HYAL1: variants seen among roughly 807,000 people sequenced by gnomAD.
The protein encoded by HYAL1 is hyaluronidase-1.
HYAL1 carries 21 observed loss-of-function variants against 28.8 expected under a neutral mutation model. The ratio of observed to expected loss-of-function variants is 0.73; its 90% CI spans 0.52 to 1.05. The LOEUF is 1.05. Among genes scored for constraint, HYAL1 ranks in the 50% least tolerant of loss-of-function variants. HYAL1 has a pLI of 0.00. For missense variants in HYAL1, 491 were observed against 579.2 expected (o/e 0.85, Z 1.56); for synonymous variants, 200 against 230.1 (o/e 0.87, Z 1.18).
intron 1 of HYAL1, chr3:50,303,229 C>T (rs1273276236): frequency 7.9e-6 from 3 of 377,522 alleles, no homozygotes; most frequent in Non-Finnish European, 1.4e-5. Context: ...AGCCTAAGCT[C>T]GCCCACCCCT....
Position 50,303,542 on chromosome 3 carries a change from AC to A in HYAL1, c.-102del, listed in dbSNP as rs1361108895. On this transcript the variant is annotated 5_prime_UTR_variant, in exon 1 of 4. Coordinates refer to ENST00000395144, the MANE Select transcript of HYAL1 (RefSeq NM_033159.4). Reference sequence around the variant, plus strand: ...CCTAAGCAGGGCCTGGCCAGATTCCACCCCAGCTGCACCAGAGACTCCTGGA... The same window carrying A: ...CCTAAGCAGGGCCTGGCCAGATTCCACCCAGCTGCACCAGAGACTCCTGGA... The A allele has an allele frequency of 6.6e-6, 1 of 152,044 alleles. No individual in the cohort carries two copies. Among genetic ancestry groups the A allele is most frequent in the Non-Finnish European group, 1.5e-5 (1 of 68,080 alleles). 9.4% of individuals were successfully genotyped at this position (152,044 alleles called of 1,614,324 possible).
chr3:50,305,052 G>C (rs1329811079), upstream of HYAL1, among the ~76,000 whole-genome samples: 1 of 152,198 alleles, frequency 6.6e-6, no homozygotes, highest in Non-Finnish European at 1.5e-5. Context: ...TTCTATTCAA[G>C]TCATCCTTTT....
chr3:50,310,443 T>G (rs1290018505), intron 1 of HYAL1, among the ~76,000 whole-genome samples: 4 of 150,384 alleles, frequency 2.7e-5, no homozygotes, highest in African/African-American at 1.0e-4. Context: ...TTTTTTTGTA[T>G]TTTTAATAGA....
Position 50,300,451 on chromosome 3 carries a change from T to C in HYAL1, c.*32A>G. The C allele has an allele frequency of 6.2e-7, 1 of 1,610,978 alleles. No individual in the cohort carries two copies. Among genetic ancestry groups the C allele is most frequent in the South Asian group, 1.1e-5 (1 of 91,018 alleles). On this transcript the variant is annotated 3_prime_UTR_variant, in exon 4 of 4. Transcript: ENST00000395144. ...CTGGCCAGACCCAGAGTGCATTAGG[T>C]TCTCAATATGTGCAACTCAGTGTGT...
upstream of HYAL1, among the ~76,000 whole-genome samples, chr3:50,307,705 C>A (rs782416045): frequency 2.0e-4 from 27 of 131,798 alleles, no homozygotes; most frequent in South Asian, 6.0e-3. Context: ...AAAAAAAAAA[C>A]CCAAAATAAA....
chr3:50,302,400 G>T lies in HYAL1; in HGVS notation c.557C>A (p.Thr186Asn). The T allele has an allele frequency of 1.2e-6, 2 of 1,613,908 alleles. No homozygotes were observed. Among genetic ancestry groups the T allele is most frequent in the East Asian group, 2.2e-5 (1 of 44,888 alleles). The change falls in exon 2 of 4, where the codon ACC becomes AAC. Residue 186 changes from threonine to asparagine, a missense_variant. By Grantham distance (65) the Thr-to-Asn change is moderately conservative (BLOSUM62 0). Coordinates refer to ENST00000395144, the MANE Select transcript of HYAL1 (RefSeq NM_033159.4). The surrounding 1 kb of genome is among the most constrained non-coding windows in gnomAD (Gnocchi z 5.0). The part of the protein sequence containing the change: ...QGAARAWMAG[T>N]LQLGRALRPR... ...ACGCAGTGCCCGCCCCAGCTGGAGG[G>T]TGCCTGCCATCCAGGCCCGTGCAGC...
Position 50,302,602 on chromosome 3 carries a change from C to T in HYAL1, c.355G>A (p.Ala119Thr), listed in dbSNP as rs587647302. The change falls in exon 2 of 4, where the codon GCT becomes ACT. Residue 119 changes from alanine (A) to threonine (T), a missense_variant. Ala to Thr is a moderately conservative substitution (Grantham distance 58, BLOSUM62 0). Coordinates refer to ENST00000395144, the MANE Select transcript of HYAL1 (RefSeq NM_033159.4). This position sits in a 1 kb window ranked among gnomAD's most constrained non-coding sequence, Gnocchi z 5.0. The part of the protein sequence containing the change: ...TFQDILAAIP[A>T]PDFSGLAVID... Reference sequence around the variant, plus strand: ...ACTGCCAGCCCTGAGAAGTCAGGAGCAGGTATGGCAGCCAGGATGTCCTGG... The same window carrying T: ...ACTGCCAGCCCTGAGAAGTCAGGAGTAGGTATGGCAGCCAGGATGTCCTGG... 2 of 1,614,160 alleles carry T rather than the reference C, an allele frequency of 1.2e-6. No individual in the cohort carries two copies. The highest frequency in any genetic ancestry group is 2.2e-5 in the South Asian group (2 of 91,086).
At position 50,300,975 on chromosome 3, in the gene HYAL1, G is replaced by A; in HGVS notation, c.990+13C>T. ...CTCCCCCACCCCCACCCTCATGCCA[G>A]GCCTAAGCTCACCTTGGTTCTTGTA... On this transcript the variant is annotated intron_variant, in intron 3 of 3. Coordinates refer to ENST00000395144, the MANE Select transcript of HYAL1 (RefSeq NM_033159.4). 8.4e-7 allele frequency: 1 copy of A among 1,185,258 alleles called. No individual in the cohort carries two copies. Among genetic ancestry groups the A allele is most frequent in the Non-Finnish European group, 1.2e-6 (1 of 848,940 alleles). 73.4% of individuals were successfully genotyped at this position (1,185,258 alleles called of 1,614,324 possible).
intron 1 of HYAL1, among the ~76,000 whole-genome samples, chr3:50,311,849 AC>A (rs1299040962): frequency 1.3e-5 from 1 of 79,242 alleles, no homozygotes; most frequent in Non-Finnish European, 2.4e-5. Context: ...CGGGGGGCTG[AC>A]CCCCCCACCT....
At position 50,302,025 on chromosome 3, in the gene HYAL1, T is replaced by C. The variant is rs781785872; in HGVS notation, c.900+32A>G. On this transcript the variant is annotated intron_variant, in intron 2 of 3. Transcript: ENST00000395144. The surrounding 1 kb of genome is among the most constrained non-coding windows in gnomAD (Gnocchi z 5.0). ...TGGACCTAATATCTGACAAGGCAGG[T>C]TGACAAGGTGGGCAGGTTACAGAAG... is the stretch of plus-strand genomic sequence containing the variant. 1.6e-5 allele frequency: 26 copies of C among 1,611,162 alleles called. No individual in the cohort carries two copies. The highest frequency in any genetic ancestry group is 3.3e-4 in the Middle Eastern group (2 of 6,078).
intron 1 of HYAL1, among the ~76,000 whole-genome samples, chr3:50,311,429 G>A (rs1575524611): frequency 4.5e-5 from 6 of 134,262 alleles, no homozygotes; most frequent in Non-Finnish European, 4.8e-5. Flanking sequence ...TGGGGCGGCT[G>A]GCCAGGCGGG....
At position 50,309,746 on chromosome 3, in the gene HYAL1, G is replaced by C. The variant is rs372022777; in HGVS notation, c.-278C>G. On this transcript the variant is annotated 5_prime_UTR_variant, in exon 2 of 6. Transcript: ENST00000320295. The stretch of plus-strand genomic sequence containing the variant: ...AGCACTTTGGGAGGCCAACGCGGGA[G>C]GATCACCTGAGGTCAGGAATTCAAG... 35 of 151,130 alleles carry C rather than the reference G, an allele frequency of 2.3e-4. 1 individual carries two copies. Among genetic ancestry groups the C allele is most frequent in the African/African-American group, 8.4e-4 (34 of 40,514 alleles). 9.4% of individuals were successfully genotyped at this position (151,130 alleles called of 1,614,324 possible).
upstream of HYAL1, among the ~76,000 whole-genome samples, chr3:50,306,676 C>T (rs1466894949): frequency 1.3e-5 from 2 of 150,972 alleles, no homozygotes; most frequent in African/African-American, 2.5e-5. Flanking sequence ...CACCTGAGGT[C>T]GGGAGTTTGA....
upstream of HYAL1, among the ~76,000 whole-genome samples, chr3:50,305,465 G>A (rs1299087325): frequency 6.6e-6 from 1 of 151,402 alleles, no homozygotes; most frequent in African/African-American, 2.4e-5. Flanking sequence ...GGATGGTCTC[G>A]ATCTCCTGAC....
At chr3:50,311,272 C>A (rs1198223760) in intron 1 of HYAL1, among the ~76,000 whole-genome samples, 2 of 141,026 alleles carry the variant, frequency 1.4e-5, no homozygotes, top group East Asian at 2.2e-4. Flanking sequence ...GGGGGCTGAC[C>A]CCCCAACCTC....
upstream of HYAL1, among the ~76,000 whole-genome samples, chr3:50,308,084 C>T (rs1188403024): frequency 1.3e-5 from 2 of 151,104 alleles, no homozygotes; most frequent in East Asian, 3.9e-4. Context: ...TGTGAGCCAC[C>T]GTGCCCGGCC....
intron 1 of HYAL1, among the ~76,000 whole-genome samples, chr3:50,311,631 CA>C (rs1702459661): frequency 2.2e-5 from 3 of 136,038 alleles, no homozygotes; most frequent in Admixed American, 7.4e-5. Context: ...CTGACCCCCC[CA>C]CCTCCCTCCC....
chr3:50,300,641 G>T lies in HYAL1; in HGVS notation c.1150C>A (p.Pro384Thr). Residue 384 changes from proline to threonine, a missense_variant, in exon 4 of 4, where the codon CCT (proline) becomes ACT (threonine). Coordinates refer to ENST00000395144, the MANE Select transcript of HYAL1 (RefSeq NM_033159.4). ...GTGAGCTGGATGGAGAAACTGGCAG[G>T]GTTAAGGAGGAGGAGGGCTTTGGGG... ...SHPKALLLLN[P>T]ASFSIQLTPG... 6.2e-7 allele frequency: 1 copy of T among 1,614,126 alleles called. No homozygotes were observed.
In HYAL1 at chr3:50,302,978, A is replaced by T. The variant is rs1227496033; in HGVS notation, c.-22T>A. 2 of 1,539,224 alleles carry T rather than the reference A, an allele frequency of 1.3e-6. No individual in the cohort carries two copies. Among genetic ancestry groups the T allele is most frequent in the Non-Finnish European group, 1.8e-6 (2 of 1,141,542 alleles). The stretch of plus-strand genomic sequence containing the variant: ...CCATGGCACGGGACTGGTCGAGGAC[A>T]ACCTGGCCAGGGGAGGCAGAGCTGA... On this transcript the variant is annotated splice_region_variant and 5_prime_UTR_variant, in exon 2 of 4. Coordinates refer to ENST00000395144, the MANE Select transcript of HYAL1 (RefSeq NM_033159.4). The surrounding 1 kb of genome is among the most constrained non-coding windows in gnomAD (Gnocchi z 5.0).
Sources: gnomAD v4.1 joint callset for allele counts (sites outside exome capture counted in the v4.1 genomes callset) on GRCh38, gnomAD v4.1.1 for gene constraint, Gnocchi (gnomAD v3.1) non-coding constraint, MANE v1.5 for transcripts, NCBI Gene and HGNC (gene_info 2026-07-23, HGNC 2026-07-21) for gene names.